Variants in ANGPT2 observed in about 807,000 individuals in gnomAD.
The protein encoded by ANGPT2 is angiopoietin-2.
ANGPT2 carries 28 observed loss-of-function variants against 62.9 expected under a neutral mutation model. The observed-to-expected ratio is 0.44, with a 90% CI of 0.33 to 0.61. ANGPT2 has a LOEUF of 0.61. ANGPT2 is among the 20% of genes least tolerant of loss of function. The pLI is 0.03. For missense variants in ANGPT2, 727 were observed against 594.9 expected, an observed-to-expected ratio of 1.22 and a Z score of -2.31; for synonymous variants, 284 against 207.8, an observed-to-expected ratio of 1.37 and a Z score of -3.15.
rs1464180825 is a variant in ANGPT2, at chr8:6,502,557, G to C, written c.*544C>G. The C allele has an allele frequency of 6.6e-6, 1 of 152,208 alleles. No homozygotes were observed. The highest frequency in any genetic ancestry group is 2.4e-5 in the African/African-American group (1 of 41,446). The allele number at this position is 152,208 out of a possible 1,614,324, so 9.4% of individuals were successfully genotyped here. On this transcript the variant is annotated 3_prime_UTR_variant, in exon 9 of 9. Transcript: ENST00000629816. ...GAGATGGAGTAAAAATGCACTAACTGTTTTTCCAAATATTAAACTTCTAGT... is the reference window on the plus strand; with the variant it reads ...GAGATGGAGTAAAAATGCACTAACTCTTTTTCCAAATATTAAACTTCTAGT...
At chr8:6,547,642 G>T (rs1304278628) in intron 1 of ANGPT2, among the ~76,000 whole-genome samples, 2 of 152,108 alleles carry the variant, frequency 1.3e-5, no homozygotes, top group African/African-American at 4.8e-5. Flanking sequence ...CTATCAAACA[G>T]TGAGTGCCTT....
rs1812208570 is a variant in ANGPT2, at chr8:6,501,637, C to T, written c.*1464G>A. 1 of 150,792 alleles carries T rather than the reference C, an allele frequency of 6.6e-6. No homozygotes were observed. Among genetic ancestry groups the T allele is most frequent in the African/African-American group, 2.4e-5 (1 of 40,878 alleles). The allele number at this position is 150,792 out of a possible 1,614,324, so 9.3% of individuals were successfully genotyped here. ...TGGTGCGATCTTGGCTCACTGCAAC[C>T]TCTACCTCCCTGGTGCAAGCAATTC... On this transcript the variant is annotated 3_prime_UTR_variant, in exon 9 of 9. Transcript: ENST00000629816.
chr8:6,546,539 C>CTT (rs11418335), intron 1 of ANGPT2, among the ~76,000 whole-genome samples: 2 of 151,932 alleles, frequency 1.3e-5, no homozygotes, highest in Non-Finnish European at 2.9e-5. Context: ...AATAAAGGAT[C>CTT]TTTTTTTAAA....
chr8:6,505,593 A>G (rs1211914791), intron 8 of ANGPT2, among the ~76,000 whole-genome samples: 1 of 125,404 alleles, frequency 8.0e-6, no homozygotes, highest in Non-Finnish European at 1.6e-5. Flanking sequence ...CTTTTTGTAT[A>G]TATGGAATAT....
chr8:6,543,562 C>T (rs748329618), intron 1 of ANGPT2, among the ~76,000 whole-genome samples: 9 of 152,136 alleles, frequency 5.9e-5, no homozygotes, highest in Admixed American at 1.3e-4. Context: ...AAAGCGCTGT[C>T]GTATAAGGCC....
chr8:6,533,046 T>TC (rs1375893010), intron 1 of ANGPT2, among the ~76,000 whole-genome samples: 1 of 152,244 alleles, frequency 6.6e-6, no homozygotes, highest in African/African-American at 2.4e-5. Context: ...TGTGGGGTCT[T>TC]CCCCACCTTC....
In ANGPT2 at chr8:6,499,635, C is replaced by G; in HGVS notation, c.*3466G>C. On this transcript the variant is annotated 3_prime_UTR_variant, in exon 9 of 9. Transcript: ENST00000629816. ...CTCATGAGAATAATGACTCAGATTT[C>G]TTGTTATCGTGAGACTTTTTCTCAA... 1 of 501,288 alleles carries G rather than the reference C, an allele frequency of 2.0e-6. No individual in the cohort carries two copies. Among genetic ancestry groups the G allele is most frequent in the East Asian group, 3.4e-5 (1 of 29,730 alleles). The allele number at this position is 501,288 out of a possible 1,614,324, so 31.1% of individuals were successfully genotyped here. A position where few individuals can be genotyped will look rare whatever the true frequency, so the allele number is the denominator to read the frequency against.
intron 1 of ANGPT2, among the ~76,000 whole-genome samples, chr8:6,556,439 C>T (rs1004753972): frequency 2.0e-5 from 3 of 152,040 alleles, no homozygotes; most frequent in Non-Finnish European, 4.4e-5. Context: ...TGACCAAGGA[C>T]TTAACATCAT....
At chr8:6,531,669 A>G (rs962616718) in intron 2 of ANGPT2, among the ~76,000 whole-genome samples, 2 of 152,204 alleles carry the variant, frequency 1.3e-5, no homozygotes, top group African/African-American at 4.8e-5. Context: ...AAGAGAACTT[A>G]GCAATCACTT....
intron 1 of ANGPT2, among the ~76,000 whole-genome samples, chr8:6,544,500 T>C (rs190092437): frequency 2.4e-4 from 37 of 152,346 alleles, no homozygotes; most frequent in Admixed American, 2.2e-3. Flanking sequence ...AACTGTTTTT[T>C]ACAAAATACC....
intron 1 of ANGPT2, among the ~76,000 whole-genome samples, chr8:6,548,451 C>T (rs1366888689): frequency 2.0e-5 from 3 of 152,164 alleles, no homozygotes; most frequent in Admixed American, 6.5e-5. Context: ...CCCCAGTGGT[C>T]GCTAGCTCTC....
intron 1 of ANGPT2, among the ~76,000 whole-genome samples, chr8:6,555,743 A>G (rs769990726): frequency 6.6e-6 from 1 of 152,180 alleles, no homozygotes; most frequent in Admixed American, 6.5e-5. Context: ...GATTACAGGC[A>G]TGAGCCACTG....
intron 2 of ANGPT2, among the ~76,000 whole-genome samples, chr8:6,529,607 C>G (rs1819061964): frequency 1.3e-5 from 2 of 150,080 alleles, no homozygotes; most frequent in Admixed American, 6.7e-5. Context: ...TAAGTGCACA[C>G]AAGCACGCCT....
chr8:6,542,302 G>C (rs1341855977), intron 1 of ANGPT2, among the ~76,000 whole-genome samples: 1 of 152,060 alleles, frequency 6.6e-6, no homozygotes, highest in East Asian at 1.9e-4. Flanking sequence ...GTGTGTGTGT[G>C]TGTGTGTGTA....
intron 1 of ANGPT2, among the ~76,000 whole-genome samples, chr8:6,553,866 G>GT (rs1245396685): frequency 1.3e-5 from 2 of 152,092 alleles, no homozygotes; most frequent in East Asian, 1.9e-4. Flanking sequence ...GGATTTACAT[G>GT]TAAGACAACT....
chr8:6,527,150 C>T (rs901400862), intron 3 of ANGPT2, among the ~76,000 whole-genome samples: 5 of 152,152 alleles, frequency 3.3e-5, no homozygotes, highest in African/African-American at 1.2e-4. Flanking sequence ...CTCCACAGCA[C>T]TAGCTGTATT....
chr8:6,524,671 C>A (rs942150068), intron 3 of ANGPT2, among the ~76,000 whole-genome samples: 1 of 152,152 alleles, frequency 6.6e-6, no homozygotes, highest in African/African-American at 2.4e-5. Context: ...TAGTCTTAAG[C>A]CTGCGGAAAT....
rs528403055 is a variant in ANGPT2 at position 6,521,296 on chromosome 8, A to G, written c.681T>C (p.Ile227=). ...TCACTATTTTTTTTTCTAGTTCTTC[A>G]ATGATGGAATTTTGCTTGGATACTA... ...QVLVSKQNSI[I]EELEKKIVTA... Residue 227 remains isoleucine (I), a synonymous_variant, in exon 4 of 9, where the codon ATT becomes ATC. Coordinates refer to ENST00000629816, the MANE Select transcript of ANGPT2 (RefSeq NM_001118887.2). 45 of 1,613,834 alleles carry G rather than the reference A, an allele frequency of 2.8e-5. No individual in the cohort carries two copies. Among genetic ancestry groups the G allele is most frequent in the Non-Finnish European group, 1.5e-5 (18 of 1,179,928 alleles).
At chr8:6,513,900 T>G (rs1815704845) in intron 6 of ANGPT2, 56 bp from the exon 7 acceptor site, 1 of 1,483,728 alleles carries the variant, frequency 6.7e-7, no homozygotes, top group East Asian at 2.3e-5. Flanking sequence ...TTTGTATATT[T>G]GAAGTGGATA....
Sources: gnomAD v4.1 joint callset for allele counts (sites outside exome capture counted in the v4.1 genomes callset) on GRCh38, gnomAD v4.1.1 for gene constraint, MANE v1.5 for transcripts, NCBI Gene and HGNC (gene_info 2026-07-23, HGNC 2026-07-21) for gene names.